Variants in PTGER3 observed in about 807,000 individuals in gnomAD.
PTGER3 encodes prostaglandin E2 receptor EP3 subtype.
Under a neutral mutation model 34.7 loss-of-function variants are expected in PTGER3, and 22 were observed. The ratio of observed to expected loss-of-function variants is 0.63; its 90% CI spans 0.45 to 0.91. The LOEUF is 0.91. Ranked by LOEUF, PTGER3 falls within the 40% of genes least tolerant of loss-of-function variation. The probability of loss-of-function intolerance (pLI) is 0.00; values close to 1 mark genes in which losing one functional copy is unlikely to be tolerated. For missense variants in PTGER3, 468 were observed against 519.4 expected, an observed-to-expected ratio of 0.90 and a Z score of 0.96; for synonymous variants, 241 against 230.1, an observed-to-expected ratio of 1.05 and a Z score of -0.43.
chr1:70,944,515 AC>A (rs1258042737), intron 4 of PTGER3, among the ~76,000 whole-genome samples: 2 of 152,098 alleles, frequency 1.3e-5, no homozygotes, highest in African/African-American at 4.8e-5. Flanking sequence ...GAGGTCCTAG[AC>A]TTTTCAGTTA....
chr1:70,982,273 A>G (rs899927375), intron 2 of PTGER3, among the ~76,000 whole-genome samples: 5 of 152,210 alleles, frequency 3.3e-5, no homozygotes, highest in African/African-American at 1.2e-4. Flanking sequence ...GACCTGCTAT[A>G]TAAATAAGCT....
intron 4 of PTGER3, among the ~76,000 whole-genome samples, chr1:70,856,886 G>A (rs542531327): frequency 6.6e-6 from 1 of 152,248 alleles, no homozygotes; most frequent in South Asian, 2.1e-4. Flanking sequence ...TGTAACAACC[G>A]CTAGAAGCAA....
chr1:70,913,323 T>A (rs1210774026), intron 4 of PTGER3, among the ~76,000 whole-genome samples: 1 of 152,108 alleles, frequency 6.6e-6, no homozygotes, highest in East Asian at 1.9e-4. Context: ...AGAAATGAAA[T>A]TGACTTGTAA....
chr1:71,042,098 T>C (rs1168972379), intron 1 of PTGER3, among the ~76,000 whole-genome samples: 2 of 152,244 alleles, frequency 1.3e-5, no homozygotes, highest in Non-Finnish European at 2.9e-5. Flanking sequence ...CTTCAGACCA[T>C]GTGAATTTCT....
chr1:71,033,999 A>G (rs1257197575), intron 1 of PTGER3, among the ~76,000 whole-genome samples: 1 of 152,096 alleles, frequency 6.6e-6, no homozygotes, highest in Non-Finnish European at 1.5e-5. Flanking sequence ...TTTAAAAATT[A>G]AAAAAACCTT....
chr1:71,011,893 A>G, intron 2 of PTGER3: 1 of 1,123,478 alleles, frequency 8.9e-7, no homozygotes, highest in Non-Finnish European at 1.1e-6. Flanking sequence ...TATTCAGTGT[A>G]CTGGAATATT....
At chr1:70,937,961 G>A (rs1374672348) in intron 4 of PTGER3, among the ~76,000 whole-genome samples, 1 of 151,930 alleles carries the variant, frequency 6.6e-6, no homozygotes, top group Non-Finnish European at 1.5e-5. Flanking sequence ...TTAGAGTATT[G>A]GCCTTTATTT....
intron 3 of PTGER3, among the ~76,000 whole-genome samples, chr1:70,972,271 C>T (rs369608483): frequency 2.6e-5 from 4 of 152,030 alleles, no homozygotes; most frequent in East Asian, 1.9e-4. Context: ...TGCAGTGAGC[C>T]GAGATCATGC....
intron 2 of PTGER3, among the ~76,000 whole-genome samples, chr1:70,976,199 G>A (rs988620179): frequency 2.0e-5 from 3 of 152,032 alleles, no homozygotes; most frequent in African/African-American, 2.4e-5. Context: ...TTCCCTAGTG[G>A]CACTGTCTGT....
chr1:70,902,705 T>G (rs1464519325), intron 4 of PTGER3, among the ~76,000 whole-genome samples: 5 of 152,162 alleles, frequency 3.3e-5, no homozygotes, highest in Non-Finnish European at 5.9e-5. Flanking sequence ...CAACGGATAT[T>G]CAGAAAACAC....
intron 4 of PTGER3, among the ~76,000 whole-genome samples, chr1:70,882,596 G>A (rs1557627035): frequency 6.6e-6 from 1 of 152,180 alleles, no homozygotes; most frequent in Admixed American, 6.5e-5. Flanking sequence ...GGCTTGCAGA[G>A]GCCCTCTTGG....
intron 4 of PTGER3, among the ~76,000 whole-genome samples, chr1:70,936,996 A>T (rs1439171557): frequency 2.6e-5 from 4 of 152,192 alleles, no homozygotes; most frequent in Non-Finnish European, 5.9e-5. Context: ...GCAGAAAAAC[A>T]CAGCATCTAA....
At chr1:70,937,932 G>T (rs1237193952) in intron 4 of PTGER3, among the ~76,000 whole-genome samples, 2 of 151,958 alleles carry the variant, frequency 1.3e-5, no homozygotes, top group African/African-American at 4.8e-5. Flanking sequence ...CCACCAAATG[G>T]GTAAGAGTTA....
intron 3 of PTGER3, among the ~76,000 whole-genome samples, chr1:70,973,498 A>G (rs1653359734): frequency 6.6e-6 from 1 of 152,118 alleles, no homozygotes; most frequent in African/African-American, 2.4e-5. Context: ...ATAAATGTCT[A>G]AAGAAATTGA....
downstream of PTGER3, among the ~76,000 whole-genome samples, chr1:70,948,463 A>T (rs564196962): frequency 1.3e-4 from 20 of 152,134 alleles, no homozygotes; most frequent in Admixed American, 3.9e-4. Context: ...AGTCAATTAA[A>T]CCTCTTTCCT....
intron 4 of PTGER3, among the ~76,000 whole-genome samples, chr1:70,906,559 T>C (rs1646952769): frequency 6.6e-6 from 1 of 152,220 alleles, no homozygotes; most frequent in Non-Finnish European, 1.5e-5. Context: ...GATCTAGGCA[T>C]AAATTCCATA....
chr1:70,902,889 G>A lies in PTGER3; in HGVS notation c.*24-50030C>T, dbSNP rs552137106. On this transcript the variant is annotated intron_variant, in intron 4 of 4. Coordinates refer to the PTGER3 transcript ENST00000370931. ...GAGAAACACTCATAATACCTGTAGC[G>A]GGTTGAATGCTGGCCCCCCAAAAGA... Among the ~76,000 whole-genome samples the A allele has an allele frequency of 1.1e-4, 17 of 152,256 alleles. 1 individual carries two copies. The South Asian group carries it at 2.3e-3, about 20-fold the overall frequency.
rs1653049187 is a variant in PTGER3 at position 70,971,256 on chromosome 1, C to T, written c.*474G>A. The T allele has an allele frequency of 2.0e-6, 2 of 985,542 alleles. No individual in the cohort carries two copies. The highest frequency in any genetic ancestry group is 1.7e-5 in the African/African-American group (1 of 57,330). The allele number at this position is 985,542 out of a possible 1,614,324, so 61.0% of individuals were successfully genotyped here. On this transcript the variant is annotated 3_prime_UTR_variant, in exon 4 of 4. Transcript: ENST00000306666. Reference sequence around the variant, plus strand: ...CCTGCCCTCATTTGCTTTTATATGTCGTTAAGTTCATATCCTATTAATTGA... The same window carrying T: ...CCTGCCCTCATTTGCTTTTATATGTTGTTAAGTTCATATCCTATTAATTGA...
In PTGER3 at chr1:71,040,125, GAA is replaced by G. The variant is rs1019572224; in HGVS notation, c.897+6554_897+6555del. Among the ~76,000 whole-genome samples the G allele has an allele frequency of 8.1e-5, 12 of 147,618 alleles. No individual in the cohort carries two copies. The South Asian group carries it at 2.0e-3, about 24-fold the overall frequency. The stretch of plus-strand genomic sequence containing the variant: ...GAAAGAAAGAAAGAAAGAAAAAAAA[GAA>G]AGAGAAAGAGAGAAAGAAAAAAAGA... On this transcript the variant is annotated intron_variant, in intron 1 of 3. Transcript: ENST00000306666.
Sources: allele counts gnomAD v4.1 joint callset (sites outside exome capture counted in the v4.1 genomes callset), GRCh38; gene constraint gnomAD v4.1.1; transcripts MANE v1.5; gene names NCBI Gene and HGNC (gene_info 2026-07-23, HGNC 2026-07-21).